The following MEF2A variants were observed in gnomAD, a reference collection of about 807,000 sequenced individuals.
MEF2A encodes the protein myocyte enhancer factor 2A.
In MEF2A, 28 loss-of-function variants were observed where a neutral mutation model predicts 55.8. That is an observed-to-expected ratio of 0.50 (90% CI 0.37 to 0.69). The LOEUF (loss-of-function observed/expected upper bound fraction) is 0.69, where lower values mean the gene tolerates loss of function less well. Ranked by LOEUF, MEF2A falls within the 30% of genes least tolerant of loss-of-function variation. The pLI is 0.00. For synonymous variants in MEF2A, 239 were observed against 227.1 expected, an observed-to-expected ratio of 1.05 and a Z score of -0.47; for missense variants, 528 against 626.2, an observed-to-expected ratio of 0.84 and a Z score of 1.67.
chr15:99,680,563 A>C (rs962976572), intron 7 of MEF2A, among the ~76,000 whole-genome samples: 3 of 152,200 alleles, frequency 2.0e-5, no homozygotes, highest in East Asian at 1.9e-4. Flanking sequence ...ATTTTTGGGA[A>C]TCTCTCCTGA....
rs540277284 is a variant in MEF2A at position 99,679,985 on chromosome 15, C to G, written c.670+4527C>G. Among the ~76,000 whole-genome samples the G allele has an allele frequency of 2.0e-5, 3 of 152,266 alleles. No homozygotes were observed. The East Asian group carries it at 5.8e-4, about 29-fold the overall frequency. On this transcript the variant is annotated intron_variant, in intron 7 of 11. Coordinates refer to ENST00000557942, the MANE Select transcript of MEF2A (RefSeq NM_001319206.4). Reference sequence around the variant, plus strand: ...CCTTTGAGTCTTTGGACATTGTTGTCTGCATGTGGCAGCTGGAACTCAGCA... The same window carrying G: ...CCTTTGAGTCTTTGGACATTGTTGTGTGCATGTGGCAGCTGGAACTCAGCA...
rs776542455 is a variant in MEF2A, at chr15:99,674,607, A to G, written c.605A>G (p.Asn202Ser). The change falls in exon 6 of 12, where the codon AAT becomes AGT. Residue 202 changes from asparagine (N) to serine (S), a missense_variant. Physicochemically the swap from Asn to Ser is conservative, Grantham distance 46. Transcript: ENST00000557942. ...GAPQRPPSTG[N>S]AGGMLSTTDL... is the part of the protein sequence containing the mutation. Reference sequence around the variant, plus strand: ...CCTCAGAGACCACCAAGTACTGGCAATGCAGGTATGTAGTGATACCTATTA... The same window carrying G: ...CCTCAGAGACCACCAAGTACTGGCAGTGCAGGTATGTAGTGATACCTATTA... The G allele has an allele frequency of 1.9e-6, 3 of 1,612,148 alleles. No individual in the cohort carries two copies. The South Asian group carries it at 3.3e-5, about 18-fold the overall frequency.
chr15:99,661,620 T>C lies in MEF2A; in HGVS notation c.259-9703T>C, dbSNP rs78819831. Among the ~76,000 whole-genome samples, 1,062 of 152,240 alleles carry C rather than the reference T, an allele frequency of 7.0e-3. 12 individuals carry two copies. Among genetic ancestry groups the C allele is most frequent in the African/African-American group, 0.024 (1,009 of 41,550 alleles). ...CACAAAAGAGAACATCCATGTGGCC[T>C]ATAGATATGAAATGTGCTTCATTTC... On this transcript the variant is annotated intron_variant, in intron 4 of 11. Transcript: ENST00000557942.
rs1257281421 is a variant in MEF2A, at chr15:99,714,850, A to C, written c.*2079A>C. Reference sequence around the variant, plus strand: ...TTACGTTCCTTTTGACATTTTCCTCATCTGCTGTTTGTGACAAGTCATCAG... The same window carrying C: ...TTACGTTCCTTTTGACATTTTCCTCCTCTGCTGTTTGTGACAAGTCATCAG... On this transcript the variant is annotated 3_prime_UTR_variant, in exon 12 of 12. Coordinates refer to ENST00000557942, the MANE Select transcript of MEF2A (RefSeq NM_001319206.4). The C allele has an allele frequency of 9.1e-6, 1 of 110,410 alleles. No individual in the cohort carries two copies. The highest frequency in any genetic ancestry group is 1.7e-5 in the Non-Finnish European group (1 of 60,512). 6.8% of individuals were successfully genotyped at this position (110,410 alleles called of 1,614,324 possible).
In MEF2A at chr15:99,690,366, A is replaced by C. The variant is rs2055141988; in HGVS notation, c.796A>C (p.Ser266Arg). 1.2e-6 allele frequency: 2 copies of C among 1,613,288 alleles called. No individual in the cohort carries two copies. The highest frequency in any genetic ancestry group is 4.5e-5 in the East Asian group (2 of 44,868). Residue 266 changes from serine (S) to arginine (R), a missense_variant, in exon 8 of 12, where the codon AGT becomes CGT. Transcript: ENST00000557942. ...AGGTGGTGGTAATCTTGGAATGAAC[A>C]GTAGGAAACCAGATCTTCGAGTTGT... ...PPGGGNLGMN[S>R]RKPDLRVVIP...
At chr15:99,668,204 T>G (rs1245290758) in intron 4 of MEF2A, among the ~76,000 whole-genome samples, 4 of 152,094 alleles carry the variant, frequency 2.6e-5, no homozygotes, top group African/African-American at 9.7e-5. Context: ...AAAATATAGG[T>G]GTGTTAATTT....
At chr15:99,572,716 T>C (rs1403062667) in intron 1 of MEF2A, among the ~76,000 whole-genome samples, 1 of 152,256 alleles carries the variant, frequency 6.6e-6, no homozygotes, top group East Asian at 1.9e-4. Context: ...AGCTCAGATG[T>C]CATCTGTGAT....
chr15:99,655,884 A>G (rs1026279478), intron 4 of MEF2A, among the ~76,000 whole-genome samples: 2 of 152,134 alleles, frequency 1.3e-5, no homozygotes, highest in East Asian at 3.8e-4. Context: ...GGAAACTCTG[A>G]TCTGGCTCTC....
intron 8 of MEF2A, among the ~76,000 whole-genome samples, chr15:99,691,775 G>T (rs915582042): frequency 2.0e-5 from 3 of 152,106 alleles, no homozygotes; most frequent in East Asian, 3.9e-4. Context: ...ACTTGAGTGA[G>T]TTATTCTCCA....
intron 8 of MEF2A, among the ~76,000 whole-genome samples, chr15:99,699,980 GTGTGTATATATA>G (rs1412875700): frequency 1.0e-5 from 1 of 99,044 alleles, no homozygotes; most frequent in Non-Finnish European, 2.4e-5. Flanking sequence ...GTGTGTGTGT[GTGTGTATATATA>G]TATATATAAT....
chr15:99,603,967 A>C (rs1185718308), intron 2 of MEF2A, among the ~76,000 whole-genome samples: 1 of 152,114 alleles, frequency 6.6e-6, no homozygotes, highest in East Asian at 1.9e-4. Context: ...TTTCTTGATG[A>C]ATTAGGTCTT....
intron 4 of MEF2A, among the ~76,000 whole-genome samples, chr15:99,670,850 T>C (rs1385406528): frequency 6.6e-6 from 1 of 152,270 alleles, no homozygotes; most frequent in African/African-American, 2.4e-5. Flanking sequence ...GATATTGTGC[T>C]GATTCTTTCT....
At chr15:99,572,544 C>G (rs1010637621) in intron 1 of MEF2A, among the ~76,000 whole-genome samples, 2 of 152,180 alleles carry the variant, frequency 1.3e-5, no homozygotes, top group Non-Finnish European at 2.9e-5. Flanking sequence ...CCTTGTTCAT[C>G]TTACTCTTAG....
In MEF2A at chr15:99,715,425, T is replaced by C. The variant is rs1182163452; in HGVS notation, c.*2654T>C. The C allele has an allele frequency of 6.6e-6, 1 of 152,252 alleles. No individual in the cohort carries two copies. Among genetic ancestry groups the C allele is most frequent in the African/African-American group, 2.4e-5 (1 of 41,466 alleles). The allele number at this position is 152,252 out of a possible 1,614,324, so 9.4% of individuals were successfully genotyped here. On this transcript the variant is annotated 3_prime_UTR_variant, in exon 12 of 12. Transcript: ENST00000557942. ...ACTACTACTCAAGGCTCGGAGTTTG[T>C]ATTTAAATTACACTGACCAAGTAAC...
intron 1 of MEF2A, among the ~76,000 whole-genome samples, chr15:99,588,608 A>G (rs1947621379): frequency 6.8e-6 from 1 of 146,382 alleles, no homozygotes; most frequent in Admixed American, 6.8e-5. Context: ...ACCTGGCCTT[A>G]ATTTTTGTAT....
At chr15:99,653,363 G>T (rs1205989623) in intron 4 of MEF2A, among the ~76,000 whole-genome samples, 2 of 152,092 alleles carry the variant, frequency 1.3e-5, no homozygotes, top group African/African-American at 4.8e-5. Flanking sequence ...AGAGACTAGG[G>T]ATCTAGATTC....
intron 2 of MEF2A, among the ~76,000 whole-genome samples, chr15:99,620,388 G>T (rs1169370198): frequency 6.6e-6 from 1 of 152,148 alleles, no homozygotes; most frequent in East Asian, 1.9e-4. Context: ...TCTCAACTTT[G>T]TGTCTATATA....
chr15:99,642,100 T>C (rs1423169706), intron 3 of MEF2A, among the ~76,000 whole-genome samples: 2 of 152,214 alleles, frequency 1.3e-5, no homozygotes, highest in African/African-American at 4.8e-5. Flanking sequence ...GTCTTTATAC[T>C]TGAAGTCTGA....
At chr15:99,571,873 C>A (rs1245092494) in intron 1 of MEF2A, among the ~76,000 whole-genome samples, 2 of 152,202 alleles carry the variant, frequency 1.3e-5, no homozygotes, top group Non-Finnish European at 1.5e-5. Context: ...CGTCCTGTTG[C>A]ACCTTCACAA....
Sources: gnomAD v4.1 joint callset for allele counts (sites outside exome capture counted in the v4.1 genomes callset) on GRCh38, gnomAD v4.1.1 for gene constraint, MANE v1.5 for transcripts, NCBI Gene and HGNC (gene_info 2026-07-23, HGNC 2026-07-21) for gene names.